DLEU7: variants seen among roughly 807,000 people sequenced by gnomAD.
DLEU7 encodes the protein leukemia-associated protein 7.
Under a neutral mutation model 16.0 loss-of-function variants are expected in DLEU7, and 17 were observed. That is an observed-to-expected ratio of 1.06 (90% CI 0.73 to 1.59). DLEU7 has a LOEUF of 1.59. Among genes scored for constraint, DLEU7 ranks in the 40% most tolerant of loss-of-function variants. DLEU7 has a pLI of 0.00. For missense variants in DLEU7, 308 were observed against 314.9 expected, an observed-to-expected ratio of 0.98 and a Z score of 0.17; for synonymous variants, 113 against 139.8, an observed-to-expected ratio of 0.81 and a Z score of 1.35.
At chr13:50,839,095 A>G (rs1325939483) in intron 1 of DLEU7, among the ~76,000 whole-genome samples, 1 of 152,246 alleles carries the variant, frequency 6.6e-6, no homozygotes, top group African/African-American at 2.4e-5. Context: ...CAGTGTACAC[A>G]GTGCACAGCA....
At chr13:50,755,634 C>G (rs1221501572) in intron 1 of DLEU7, among the ~76,000 whole-genome samples, 1 of 152,104 alleles carries the variant, frequency 6.6e-6, no homozygotes, top group Non-Finnish European at 1.5e-5. Context: ...TGGGCTTCGC[C>G]TTTCTCTGGT....
chr13:50,821,148 C>T (rs1876892641), downstream of DLEU7, among the ~76,000 whole-genome samples: 1 of 151,984 alleles, frequency 6.6e-6, no homozygotes, highest in Non-Finnish European at 1.5e-5. Context: ...GTGTTTTTCT[C>T]CAGCCATATT....
intron 1 of DLEU7, among the ~76,000 whole-genome samples, chr13:50,729,538 G>A (rs188227866): frequency 1.3e-5 from 2 of 151,664 alleles, no homozygotes; most frequent in African/African-American, 4.9e-5. Flanking sequence ...ATTCCTTTAG[G>A]TATTTACCTA....
intron 1 of DLEU7, among the ~76,000 whole-genome samples, chr13:50,832,571 T>C (rs1418038564): frequency 6.6e-6 from 1 of 152,212 alleles, no homozygotes; most frequent in Non-Finnish European, 1.5e-5. Context: ...AATTGTGATA[T>C]TAGGGTGTCG....
At chr13:50,727,544 G>A (rs1270757423) in intron 1 of DLEU7, among the ~76,000 whole-genome samples, 2 of 152,114 alleles carry the variant, frequency 1.3e-5, no homozygotes, top group Non-Finnish European at 2.9e-5. Context: ...GGTTTGAGGT[G>A]CCACACCTGT....
Position 50,721,670 on chromosome 13 carries a change from A to G in DLEU7, c.460-8430T>C, listed in dbSNP as rs575894845. 2.0e-5 allele frequency among the ~76,000 whole-genome samples: 3 copies of G among 152,292 alleles called. No individual in the cohort carries two copies. In the South Asian group the frequency reaches 6.2e-4, roughly 32 times the overall value. Reference sequence around the variant, plus strand: ...AATTTTTGAAAGATGGAGAACAGGTAAAAAGATCAACAGAACTGAAAACTC... The same window carrying G: ...AATTTTTGAAAGATGGAGAACAGGTGAAAAGATCAACAGAACTGAAAACTC... On this transcript the variant is annotated intron_variant, in intron 1 of 1. Coordinates refer to the DLEU7 transcript ENST00000400393.
intron 1 of DLEU7, among the ~76,000 whole-genome samples, chr13:50,767,942 A>G (rs1378895735): frequency 6.6e-6 from 1 of 152,240 alleles, no homozygotes; most frequent in African/African-American, 2.4e-5. Context: ...CCCACGGGAC[A>G]AACACTTCTG....
At chr13:50,792,299 A>T (rs1566252848) in intron 1 of DLEU7, among the ~76,000 whole-genome samples, 1 of 152,178 alleles carries the variant, frequency 6.6e-6, no homozygotes, top group African/African-American at 2.4e-5. Flanking sequence ...TCTACCCATT[A>T]CTTTTGTCCA....
chr13:50,836,652 C>T (rs570357767), intron 1 of DLEU7, among the ~76,000 whole-genome samples: 99 of 148,758 alleles, frequency 6.7e-4, no homozygotes, highest in African/African-American at 1.3e-3. Flanking sequence ...CCAGCCTGGG[C>T]GACAGAGCAA....
At chr13:50,793,518 A>G (rs1876026649) in intron 1 of DLEU7, among the ~76,000 whole-genome samples, 1 of 152,136 alleles carries the variant, frequency 6.6e-6, no homozygotes, top group African/African-American at 2.4e-5. Context: ...AACATCTGCT[A>G]TTTTTTGACT....
chr13:50,800,567 A>G (rs1342879770), intron 1 of DLEU7, among the ~76,000 whole-genome samples: 1 of 152,122 alleles, frequency 6.6e-6, no homozygotes, highest in Non-Finnish European at 1.5e-5. Context: ...TTGAGGAAGA[A>G]CATAAGCATC....
chr13:50,819,286 C>T (rs141050525), downstream of DLEU7, among the ~76,000 whole-genome samples: 2 of 152,010 alleles, frequency 1.3e-5, no homozygotes, highest in Non-Finnish European at 2.9e-5. Flanking sequence ...TAGGATTAAT[C>T]GTTGTCATAT....
At chr13:50,803,716 T>A (rs924087391) in intron 1 of DLEU7, among the ~76,000 whole-genome samples, 1 of 152,170 alleles carries the variant, frequency 6.6e-6, no homozygotes, top group Non-Finnish European at 1.5e-5. Context: ...GATGCATTTC[T>A]TTAAAAAACA....
chr13:50,792,994 C>T (rs1051496033), intron 1 of DLEU7, among the ~76,000 whole-genome samples: 73 of 152,068 alleles, frequency 4.8e-4, no homozygotes, highest in African/African-American at 1.7e-3. Context: ...TATAATACCC[C>T]ACAGGTAGTT....
intron 1 of DLEU7, among the ~76,000 whole-genome samples, chr13:50,794,398 C>T (rs1876052269): frequency 6.6e-6 from 1 of 151,878 alleles, no homozygotes; most frequent in Non-Finnish European, 1.5e-5. Context: ...GGATTATGTC[C>T]TCCCATTTTA....
At chr13:50,740,927 C>CATA (rs908075069) in intron 1 of DLEU7, among the ~76,000 whole-genome samples, 1 of 152,060 alleles carries the variant, frequency 6.6e-6, no homozygotes, top group Non-Finnish European at 1.5e-5. Flanking sequence ...TTCCTGAACT[C>CATA]ATAGAAACAC....
intron 1 of DLEU7, among the ~76,000 whole-genome samples, chr13:50,721,011 T>C (rs1873590407): frequency 6.6e-6 from 1 of 152,182 alleles, no homozygotes; most frequent in Admixed American, 6.5e-5. Flanking sequence ...CCAAAGGAGA[T>C]TAACATCTGA....
intron 1 of DLEU7, among the ~76,000 whole-genome samples, chr13:50,751,915 T>G (rs3990139): frequency 0.47 from 71,201 of 151,506 alleles, 17,642 homozygotes; most frequent in African/African-American, 0.62. Flanking sequence ...TGTATTTTTT[T>G]TTGTTGTTGT....
At chr13:50,716,352 A>G (rs1205007708) in intron 1 of DLEU7, among the ~76,000 whole-genome samples, 1 of 152,226 alleles carries the variant, frequency 6.6e-6, no homozygotes, top group East Asian at 1.9e-4. Context: ...TTGCAAAGCC[A>G]GAATATTGAG....
Sources: allele counts gnomAD v4.1 joint callset (sites outside exome capture counted in the v4.1 genomes callset), GRCh38; gene constraint gnomAD v4.1.1; transcripts MANE v1.5; gene names NCBI Gene and HGNC (gene_info 2026-07-23, HGNC 2026-07-21).